GPC5: variants seen among roughly 807,000 people sequenced by gnomAD.
GPC5 encodes the protein glypican-5.
GPC5 carries 47 observed loss-of-function variants against 53.9 expected under a neutral mutation model. The observed-to-expected ratio is 0.87, with a 90% CI of 0.69 to 1.11. The LOEUF is 1.11. Ranked by LOEUF, GPC5 falls within the 50% of genes most tolerant of loss-of-function variation. The probability of loss-of-function intolerance (pLI) is 0.00; values close to 1 mark genes in which losing one functional copy is unlikely to be tolerated. For missense variants in GPC5, 748 were observed against 713.1 expected, an observed-to-expected ratio of 1.05 and a Z score of -0.56; for synonymous variants, 286 against 263.3, an observed-to-expected ratio of 1.09 and a Z score of -0.84.
intron 6 of GPC5, among the ~76,000 whole-genome samples, chr13:92,008,141 C>T (rs1002231710): frequency 6.7e-6 from 1 of 149,276 alleles, no homozygotes; most frequent in Admixed American, 6.7e-5. Flanking sequence ...CGGCTCACTG[C>T]AAGCTCCGCC....
intron 2 of GPC5, among the ~76,000 whole-genome samples, chr13:91,558,567 TTGC>T (rs1566503464): frequency 6.6e-6 from 1 of 152,138 alleles, no homozygotes; most frequent in Non-Finnish European, 1.5e-5. Flanking sequence ...TCCTCTGTGC[TTGC>T]TCCTGTAGCA....
chr13:91,957,013 A>C (rs1292151436), intron 6 of GPC5, among the ~76,000 whole-genome samples: 1 of 152,146 alleles, frequency 6.6e-6, no homozygotes, highest in African/African-American at 2.4e-5. Flanking sequence ...AAAATAATTC[A>C]AAATAATGAT....
At chr13:92,724,903 C>CACACACACACACACAG (rs1358016015) in intron 7 of GPC5, among the ~76,000 whole-genome samples, 44 of 150,050 alleles carry the variant, frequency 2.9e-4, no homozygotes, top group African/African-American at 1.1e-3. Context: ...CACACACACA[C>CACACACACACACACAG]ACACACACAA....
intron 5 of GPC5, among the ~76,000 whole-genome samples, chr13:91,803,404 T>C (rs2038166674): frequency 6.6e-6 from 1 of 152,210 alleles, no homozygotes; most frequent in Non-Finnish European, 1.5e-5. Context: ...GTATTATTTT[T>C]GTGAAATTTT....
intron 7 of GPC5, among the ~76,000 whole-genome samples, chr13:92,247,582 C>A (rs998721692): frequency 2.0e-5 from 3 of 152,044 alleles, no homozygotes; most frequent in South Asian, 2.1e-4. Flanking sequence ...ATGGAACATA[C>A]ACTGCCCCTT....
intron 7 of GPC5, among the ~76,000 whole-genome samples, chr13:92,722,691 A>T (rs1888538250): frequency 1.3e-5 from 2 of 151,854 alleles, no homozygotes; most frequent in Admixed American, 1.3e-4. Context: ...CCTTATTATA[A>T]CAACATTATT....
chr13:91,664,653 T>C (rs1157098604), intron 2 of GPC5, among the ~76,000 whole-genome samples: 1 of 152,252 alleles, frequency 6.6e-6, no homozygotes, highest in Non-Finnish European at 1.5e-5. Context: ...TACATTTTTT[T>C]TGAAACCAGG....
chr13:92,248,166 G>A (rs1330989), intron 7 of GPC5, among the ~76,000 whole-genome samples: 85,434 of 151,408 alleles, frequency 0.56, 24,367 homozygotes, highest in South Asian at 0.65. Context: ...ATACTTTGAC[G>A]GGTTGACAAA....
At chr13:91,821,568 C>A (rs962849955) in intron 5 of GPC5, among the ~76,000 whole-genome samples, 11 of 152,110 alleles carry the variant, frequency 7.2e-5, no homozygotes, top group African/African-American at 1.9e-4. Flanking sequence ...GTGAAGTTTT[C>A]TGTAGGTTTG....
chr13:91,475,607 C>T (rs1882881015), intron 2 of GPC5, among the ~76,000 whole-genome samples: 1 of 152,132 alleles, frequency 6.6e-6, no homozygotes, highest in African/African-American at 2.4e-5. Flanking sequence ...CCTCTGAGTC[C>T]AAGCAGACAC....
chr13:92,257,414 T>G (rs1280489357), intron 7 of GPC5, among the ~76,000 whole-genome samples: 2 of 151,710 alleles, frequency 1.3e-5, no homozygotes, highest in East Asian at 3.8e-4. Flanking sequence ...ATATTGTGAT[T>G]AATGTTTTTA....
intron 3 of GPC5, among the ~76,000 whole-genome samples, chr13:91,722,921 A>G (rs1000467658): frequency 3.3e-5 from 5 of 152,078 alleles, no homozygotes; most frequent in African/African-American, 1.2e-4. Flanking sequence ...AATTTTCCTT[A>G]TGGGTAGCTT....
At chr13:92,346,790 A>C (rs1264023331) in intron 7 of GPC5, among the ~76,000 whole-genome samples, 2 of 151,668 alleles carry the variant, frequency 1.3e-5, no homozygotes, top group Non-Finnish European at 2.9e-5. Context: ...ATATATGGAT[A>C]AAAAAATCAA....
intron 7 of GPC5, among the ~76,000 whole-genome samples, chr13:92,460,797 T>TG (rs1453358482): frequency 7.0e-6 from 1 of 142,148 alleles, no homozygotes; most frequent in Non-Finnish European, 1.5e-5. Context: ...AAAGTATGTG[T>TG]GAAAGTAACA....
chr13:91,524,500 A>C (rs1246105322), intron 2 of GPC5, among the ~76,000 whole-genome samples: 1 of 152,180 alleles, frequency 6.6e-6, no homozygotes, highest in Non-Finnish European at 1.5e-5. Context: ...CTACTAGCAA[A>C]CAGATATCCA....
chr13:92,753,773 T>C (rs1048940502), intron 7 of GPC5, among the ~76,000 whole-genome samples: 1 of 151,054 alleles, frequency 6.6e-6, no homozygotes, highest in Admixed American at 6.6e-5. Context: ...AAGGGAAGTT[T>C]AGAAAAAAAA....
intron 5 of GPC5, among the ~76,000 whole-genome samples, chr13:91,784,845 G>C (rs2037854233): frequency 6.6e-6 from 1 of 152,116 alleles, no homozygotes; most frequent in African/African-American, 2.4e-5. Context: ...GCAATAACTA[G>C]ATTAGAAAAT....
At chr13:92,413,544 C>T (rs951314161) in intron 7 of GPC5, among the ~76,000 whole-genome samples, 3 of 151,980 alleles carry the variant, frequency 2.0e-5, no homozygotes, top group African/African-American at 4.8e-5. Context: ...TTTTCGTAAA[C>T]CAAATTTTAG....
rs368088916 is a variant in GPC5 at position 91,948,826 on chromosome 13, TAGCCATGCAATGGC to T, written c.1401+40771_1401+40784del. 6.4e-3 allele frequency among the ~76,000 whole-genome samples: 969 copies of T among 152,332 alleles called. 9 individuals are homozygous for T. The highest frequency in any genetic ancestry group is 0.022 in the African/African-American group (913 of 41,570). On this transcript the variant is annotated intron_variant, in intron 6 of 7. Coordinates refer to ENST00000377067, the MANE Select transcript of GPC5 (RefSeq NM_004466.6). ...GTAATGCTGCAGAGTCAAAGTAAAT[TAGCCATGCAATGGC>T]ACAAATGCAATTTTAGTATGCTTTG... is the stretch of plus-strand genomic sequence containing the variant.
Sources: gnomAD v4.1 joint callset for allele counts (sites outside exome capture counted in the v4.1 genomes callset) on GRCh38, gnomAD v4.1.1 for gene constraint, MANE v1.5 for transcripts, NCBI Gene and HGNC (gene_info 2026-07-23, HGNC 2026-07-21) for gene names.